Variants in COBL observed in about 807,000 individuals in gnomAD.
The protein encoded by COBL is cordon-bleu WH2 repeat protein, also known as protein cordon-bleu.
Under a neutral mutation model 98.8 loss-of-function variants are expected in COBL, and 51 were observed. That is an observed-to-expected ratio of 0.52 (90% confidence interval 0.41 to 0.65). The LOEUF (loss-of-function observed/expected upper bound fraction) is 0.65. COBL is among the 30% of genes least tolerant of loss of function. The pLI, the probability that COBL is intolerant of heterozygous loss-of-function variation, is 0.00. For synonymous variants in COBL, 634 were observed against 651.7 expected (o/e 0.97, Z 0.41); for missense variants, 1,617 against 1,617.5 (o/e 1.00, Z 0.01).
At chr7:51,140,975 G>A (rs934378898) in intron 5 of COBL, among the ~76,000 whole-genome samples, 1 of 151,952 alleles carries the variant, frequency 6.6e-6, no homozygotes, top group East Asian at 1.9e-4. Context: ...GCTGCCTCAC[G>A]AGCACACCCA....
chr7:51,208,343 G>C (rs1238840125), intron 2 of COBL, among the ~76,000 whole-genome samples: 1 of 151,632 alleles, frequency 6.6e-6, no homozygotes, highest in Non-Finnish European at 1.5e-5. Flanking sequence ...GGAGGTAGGG[G>C]GTCAGCCCCC....
intron 2 of COBL, among the ~76,000 whole-genome samples, chr7:51,208,805 G>C (rs1467472956): frequency 6.6e-6 from 1 of 152,016 alleles, no homozygotes; most frequent in African/African-American, 2.4e-5. Flanking sequence ...GTCCACTCAG[G>C]GTTAAATGGA....
intron 1 of COBL, among the ~76,000 whole-genome samples, chr7:51,303,718 C>T (rs1366290725): frequency 6.6e-6 from 1 of 152,174 alleles, no homozygotes; most frequent in African/African-American, 2.4e-5. Context: ...TCTGCTGACC[C>T]AACTCCAAAC....
At chr7:51,149,219 G>A (rs954417778) in intron 5 of COBL, among the ~76,000 whole-genome samples, 28 of 152,240 alleles carry the variant, frequency 1.8e-4, no homozygotes, top group East Asian at 7.7e-4. Context: ...GATGCTTGCC[G>A]GAGGGCTGCA....
intron 7 of COBL, chr7:51,072,734 CCTT>C (rs1225355358): frequency 6.6e-6 from 1 of 151,932 alleles, no homozygotes; most frequent in African/African-American, 2.4e-5. Flanking sequence ...AATAGAACAC[CCTT>C]CTTCTCCCAC....
At chr7:51,227,137 G>A (rs527270277) in intron 1 of COBL, among the ~76,000 whole-genome samples, 34 of 152,140 alleles carry the variant, frequency 2.2e-4, no homozygotes, top group Non-Finnish European at 4.1e-4. Flanking sequence ...GCTGATGAGC[G>A]GTGAGGTTAG....
At chr7:51,217,076 GATA>G (rs1793120492) in intron 2 of COBL, among the ~76,000 whole-genome samples, 1 of 152,146 alleles carries the variant, frequency 6.6e-6, no homozygotes, top group Non-Finnish European at 1.5e-5. Context: ...CATGAGAAGG[GATA>G]ATAATTCACT....
Position 51,035,516 on chromosome 7 carries a change from C to T in COBL, c.1407-4607G>A, listed in dbSNP as rs910639708. 7 of 152,288 alleles carry T rather than the reference C, an allele frequency of 4.6e-5. No homozygotes were observed. In the East Asian group the frequency reaches 7.7e-4, roughly 17 times the overall value. 9.4% of individuals were successfully genotyped at this position (152,288 alleles called of 1,614,324 possible). A position where few individuals can be genotyped will look rare whatever the true frequency, so the allele number is the denominator to read the frequency against. On this transcript the variant is annotated intron_variant, in intron 8 of 12. Coordinates refer to ENST00000265136, the MANE Select transcript of COBL (RefSeq NM_015198.5). ...GGGAAAATATGCAGTTGATGATAGT[C>T]GTATGTGCTTAACCTCCCCCTTCCA...
At chr7:51,153,318 A>G (rs1239966099) in intron 5 of COBL, among the ~76,000 whole-genome samples, 2 of 152,278 alleles carry the variant, frequency 1.3e-5, no homozygotes, top group African/African-American at 4.8e-5. Flanking sequence ...ATTATTACTG[A>G]TAATTAAAGA....
At chr7:51,085,857 A>G (rs1794185769) in intron 6 of COBL, among the ~76,000 whole-genome samples, 2 of 152,228 alleles carry the variant, frequency 1.3e-5, no homozygotes, top group Admixed American at 1.3e-4. Flanking sequence ...ATCTTGATCC[A>G]GAATCGCAAT....
intron 4 of COBL, among the ~76,000 whole-genome samples, chr7:51,189,690 A>C (rs566536995): frequency 6.6e-6 from 1 of 152,182 alleles, no homozygotes. Flanking sequence ...TAGAAAAAAA[A>C]GTCATAGAAA....
intron 12 of COBL, among the ~76,000 whole-genome samples, chr7:51,019,856 C>T (rs1386351417): frequency 3.3e-5 from 5 of 152,310 alleles, no homozygotes; most frequent in Non-Finnish European, 5.9e-5. Flanking sequence ...GCTATTCCCT[C>T]GTCACAGCAA....
intron 2 of COBL, among the ~76,000 whole-genome samples, chr7:51,215,631 T>C (rs1403417104): frequency 2.0e-5 from 3 of 152,252 alleles, no homozygotes; most frequent in African/African-American, 7.2e-5. Context: ...ACTTTTAACC[T>C]TGTGACTTTT....
chr7:51,017,454 A>G lies in COBL; in HGVS notation c.*97T>C. 1 of 1,304,068 alleles carries G rather than the reference A, an allele frequency of 7.7e-7. No homozygotes were observed. Among genetic ancestry groups the G allele is most frequent in the Non-Finnish European group, 1.1e-6 (1 of 899,384 alleles). 80.8% of individuals were successfully genotyped at this position (1,304,068 alleles called of 1,614,324 possible). A position where few individuals can be genotyped will look rare whatever the true frequency, so the allele number is the denominator to read the frequency against. The stretch of plus-strand genomic sequence containing the variant: ...CATTTGGCCTGTAGACAAGAAAGTA[A>G]CACCAAAACTTGATGTTCCTGGCTA... On this transcript the variant is annotated 3_prime_UTR_variant, in exon 13 of 13. Coordinates refer to ENST00000265136, the MANE Select transcript of COBL (RefSeq NM_015198.5).
At chr7:51,168,706 T>G (rs759242567) in intron 5 of COBL, among the ~76,000 whole-genome samples, 1 of 152,186 alleles carries the variant, frequency 6.6e-6, no homozygotes, top group Non-Finnish European at 1.5e-5. Flanking sequence ...GAGAACTGTT[T>G]GGTGGTTCCT....
At chr7:51,161,975 G>T (rs2129035416) in intron 5 of COBL, among the ~76,000 whole-genome samples, 1 of 152,248 alleles carries the variant, frequency 6.6e-6, no homozygotes, top group South Asian at 2.1e-4. Context: ...TTTGTGTGCT[G>T]AATTGCAAAT....
rs144087180 is a variant in COBL, at chr7:51,081,498, T to G, written c.1096+3668A>C. 2.2e-3 allele frequency among the ~76,000 whole-genome samples: 337 copies of G among 152,316 alleles called. 1 individual carries two copies. Among genetic ancestry groups the G allele is most frequent in the African/African-American group, 7.8e-3 (323 of 41,574 alleles). ...GGGAGGTTCCACTGCTCTGCAGAGATGCAGGAGGAAGCCTGATGCTGCCTT... is the reference window on the plus strand; with the variant it reads ...GGGAGGTTCCACTGCTCTGCAGAGAGGCAGGAGGAAGCCTGATGCTGCCTT... On this transcript the variant is annotated intron_variant, in intron 7 of 12. Coordinates refer to ENST00000265136, the MANE Select transcript of COBL (RefSeq NM_015198.5).
chr7:51,243,844 G>C (rs1378667503), intron 1 of COBL, among the ~76,000 whole-genome samples: 1 of 151,592 alleles, frequency 6.6e-6, no homozygotes, highest in East Asian at 2.0e-4. Flanking sequence ...CAGGTGTGAG[G>C]ACGTGCACGT....
intron 2 of COBL, among the ~76,000 whole-genome samples, chr7:51,195,860 T>C (rs888070419): frequency 6.6e-6 from 1 of 152,198 alleles, no homozygotes; most frequent in Non-Finnish European, 1.5e-5. Flanking sequence ...TACTGAGACT[T>C]TGCTGAAATT....
Sources: gnomAD v4.1 joint callset for allele counts (sites outside exome capture counted in the v4.1 genomes callset) on GRCh38, gnomAD v4.1.1 for gene constraint, MANE v1.5 for transcripts, NCBI Gene and HGNC (gene_info 2026-07-23, HGNC 2026-07-21) for gene names.